RERE: variants seen among roughly 807,000 people sequenced by gnomAD.
RERE encodes arginine-glutamic acid dipeptide repeats, also known as arginine-glutamic acid dipeptide repeats protein.
RERE carries 40 observed loss-of-function variants against 146.1 expected under a neutral mutation model. That is an observed-to-expected ratio of 0.27 (90% CI 0.21 to 0.36). The LOEUF (loss-of-function observed/expected upper bound fraction) is 0.36, where lower values mean the gene tolerates loss of function less well. RERE is among the 10% of genes least tolerant of loss of function. The probability of loss-of-function intolerance (pLI) is 1.00; values close to 1 mark genes in which losing one functional copy is unlikely to be tolerated. For synonymous variants in RERE, 1,003 were observed against 866.0 expected, an observed-to-expected ratio of 1.16 and a Z score of -2.78; for missense variants, 1,933 against 2,138.7, an observed-to-expected ratio of 0.90 and a Z score of 1.90.
chr1:8,436,342 A>G (rs1644169715), intron 11 of RERE, among the ~76,000 whole-genome samples: 1 of 152,146 alleles, frequency 6.6e-6, no homozygotes, highest in African/African-American at 2.4e-5. Context: ...AAAAATAAAT[A>G]AAATAACCCA....
intron 1 of RERE, among the ~76,000 whole-genome samples, chr1:8,764,426 A>G (rs556969883): frequency 6.6e-6 from 1 of 152,336 alleles, no homozygotes; most frequent in South Asian, 2.1e-4. Context: ...AAATGTTTAA[A>G]AACAAAAAAA....
chr1:8,648,282 A>G (rs1379868564), intron 2 of RERE, among the ~76,000 whole-genome samples: 1 of 152,184 alleles, frequency 6.6e-6, no homozygotes, highest in African/African-American at 2.4e-5. Context: ...CCCAGGCTGC[A>G]GTGCAGTGGT....
intron 11 of RERE, chr1:8,424,752 G>C (rs1265054749): frequency 6.6e-6 from 1 of 152,490 alleles, no homozygotes; most frequent in Non-Finnish European, 1.5e-5. Context: ...AGGAACAAAG[G>C]GTGGTGGGTG....
chr1:8,754,804 T>C (rs1640604983), intron 1 of RERE, among the ~76,000 whole-genome samples: 1 of 152,258 alleles, frequency 6.6e-6, no homozygotes. Flanking sequence ...TATGTATTTA[T>C]ATAACAAAAA....
chr1:8,445,927 G>A (rs1388815782), intron 11 of RERE, among the ~76,000 whole-genome samples: 1 of 147,672 alleles, frequency 6.8e-6, no homozygotes, highest in Non-Finnish European at 1.5e-5. Context: ...TGTGGTGTTT[G>A]GTTTTCTGTC....
At chr1:8,798,506 G>GTTCT (rs1329105836) in intron 1 of RERE, 1 of 211,474 alleles carries the variant, frequency 4.7e-6, no homozygotes, top group African/African-American at 2.3e-5. Context: ...AAGTGGTGCT[G>GTTCT]TTCTGGCCAG....
intron 12 of RERE, among the ~76,000 whole-genome samples, chr1:8,407,399 A>G (rs1557615648): frequency 1.3e-5 from 2 of 152,214 alleles, no homozygotes; most frequent in African/African-American, 4.8e-5. Context: ...GATACAAAGG[A>G]AGCACATACA....
intron 2 of RERE, among the ~76,000 whole-genome samples, chr1:8,653,253 T>C (rs964581968): frequency 6.6e-6 from 1 of 152,244 alleles, no homozygotes; most frequent in Non-Finnish European, 1.5e-5. Flanking sequence ...TAACGTTCCA[T>C]ATTATAAATG....
intron 4 of RERE, among the ~76,000 whole-genome samples, chr1:8,605,834 T>G (rs1646701197): frequency 8.2e-6 from 1 of 121,510 alleles, no homozygotes; most frequent in Non-Finnish European, 1.7e-5. Context: ...ATTTAAGTGT[T>G]AAATACCAAA....
In RERE at chr1:8,480,140, T is replaced by G. The variant is rs1473420717; in HGVS notation, c.1105-14117A>C. Among the ~76,000 whole-genome samples, 19 of 92,106 alleles carry G rather than the reference T, an allele frequency of 2.1e-4. No homozygotes were observed. In the Middle Eastern group the frequency reaches 0.018, roughly 87 times the overall value. 60.4% of individuals were successfully genotyped at this position (92,106 alleles called of 152,430 possible). ...AAAGCCTTTTTTTGTTTTTTTTTTT[T>G]TTGTTTTTTTTTTTTTTGAGACACA... is the stretch of plus-strand genomic sequence containing the variant. On this transcript the variant is annotated intron_variant, in intron 10 of 22. Coordinates refer to ENST00000400908, the MANE Select transcript of RERE (RefSeq NM_001042681.2).
At chr1:8,753,442 T>C (rs1294010469) in intron 1 of RERE, 3 of 152,208 alleles carry the variant, frequency 2.0e-5, no homozygotes, top group East Asian at 1.9e-4. Context: ...TATTTTGACA[T>C]TTCAGTGTGA....
At chr1:8,722,103 T>C (rs1639875939) in intron 1 of RERE, among the ~76,000 whole-genome samples, 1 of 152,232 alleles carries the variant, frequency 6.6e-6, no homozygotes, top group African/African-American at 2.4e-5. Flanking sequence ...TGCTTACATT[T>C]ATTCTACTTC....
At chr1:8,460,337 A>T (rs1301642518) in intron 11 of RERE, among the ~76,000 whole-genome samples, 1 of 152,224 alleles carries the variant, frequency 6.6e-6, no homozygotes, top group Non-Finnish European at 1.5e-5. Context: ...AGTTGTGTGT[A>T]TTCTGTGTAA....
chr1:8,646,449 T>C (rs1210702655), intron 2 of RERE, among the ~76,000 whole-genome samples: 2 of 152,084 alleles, frequency 1.3e-5, no homozygotes, highest in Non-Finnish European at 2.9e-5. Context: ...GGAGGACCAC[T>C]TGAGCTCGGG....
intron 1 of RERE, among the ~76,000 whole-genome samples, chr1:8,694,791 G>GA (rs1639286998): frequency 6.6e-6 from 1 of 151,828 alleles, no homozygotes; most frequent in South Asian, 2.1e-4. Flanking sequence ...GACACAAATG[G>GA]AAAAACATTT....
intron 9 of RERE, 142 bp downstream of exon 9, chr1:8,497,263 G>A (rs950513803): frequency 9.3e-6 from 7 of 752,340 alleles, no homozygotes; most frequent in Admixed American, 6.6e-5. Flanking sequence ...CCAGGGTCCC[G>A]ATTACAGAGG....
intron 1 of RERE, among the ~76,000 whole-genome samples, chr1:8,726,595 A>T (rs1168971050): frequency 1.3e-5 from 2 of 152,204 alleles, no homozygotes; most frequent in African/African-American, 2.4e-5. Context: ...CCAAACCGGG[A>T]CACCGTGTGG....
rs558346183 is a variant in RERE at position 8,414,425 on chromosome 1, G to A, written c.1284+8302C>T. Among the ~76,000 whole-genome samples, 47 of 152,080 alleles carry A rather than the reference G, an allele frequency of 3.1e-4. No individual in the cohort carries two copies. In the Middle Eastern group the frequency reaches 0.02, roughly 66 times the overall value. On this transcript the variant is annotated intron_variant, in intron 12 of 22. Transcript: ENST00000400908. ...ACAAAACTCAGCTGGGCATGGTGGCGCATGCCTGTAGTCCTAGCTACTTGG... is the reference window on the plus strand; with the variant it reads ...ACAAAACTCAGCTGGGCATGGTGGCACATGCCTGTAGTCCTAGCTACTTGG...
intron 7 of RERE, among the ~76,000 whole-genome samples, chr1:8,511,346 A>G (rs890665911): frequency 6.6e-6 from 1 of 152,304 alleles, no homozygotes; most frequent in Admixed American, 6.5e-5. Context: ...AAATAAGGAA[A>G]CTTCTTAAAA....
Sources: allele counts gnomAD v4.1 joint callset (sites outside exome capture counted in the v4.1 genomes callset), GRCh38; gene constraint gnomAD v4.1.1; transcripts MANE v1.5; gene names NCBI Gene and HGNC (gene_info 2026-07-23, HGNC 2026-07-21).